Variants in TRPM8 observed in about 807,000 individuals in gnomAD.
TRPM8 encodes transient receptor potential cation channel subfamily M member 8, also known as TRPM8 cationic channel.
In TRPM8, 110 loss-of-function variants were observed where a neutral mutation model predicts 133.7. That is an observed-to-expected ratio of 0.82 (90% confidence interval 0.70 to 0.96). TRPM8 has a LOEUF of 0.96. Among genes scored for constraint, TRPM8 ranks in the 40% least tolerant of loss-of-function variants. The pLI is 0.00. For missense variants in TRPM8, 1,291 were observed against 1,379.5 expected (o/e 0.94, Z 1.02); for synonymous variants, 535 against 532.3 (o/e 1.01, Z -0.07).
intron 14 of TRPM8, 74 bp from the exon 15 acceptor site, chr2:233,966,535 TG>T: frequency 1.9e-6 from 3 of 1,588,176 alleles, no homozygotes; most frequent in Non-Finnish European, 2.6e-6. Flanking sequence ...AGGGGTTGGC[TG>T]GGGGTGGAAG....
chr2:233,953,391 A>G (rs2125140515), intron 9 of TRPM8, among the ~76,000 whole-genome samples: 1 of 152,356 alleles, frequency 6.6e-6, no homozygotes, highest in African/African-American at 2.4e-5. Flanking sequence ...TAACCTTGAA[A>G]TTACAGGGTT....
intron 12 of TRPM8, among the ~76,000 whole-genome samples, chr2:233,961,921 G>T (rs1396313653): frequency 6.6e-6 from 1 of 152,200 alleles, no homozygotes; most frequent in Non-Finnish European, 1.5e-5. Flanking sequence ...GAACCACCGT[G>T]TCCGGCCTCA....
intron 2 of TRPM8, among the ~76,000 whole-genome samples, chr2:233,927,728 TTCTTTCTTTCTTTC>T: frequency 2.4e-5 from 1 of 42,490 alleles, no homozygotes; most frequent in Non-Finnish European, 3.5e-5. Flanking sequence ...CTTTCTTTCT[TTCTTTCTTTCTTTC>T]TTTCTTTCTT....
chr2:233,919,199 TA>T (rs1057245874), intron 1 of TRPM8, among the ~76,000 whole-genome samples: 66 of 152,284 alleles, frequency 4.3e-4, no homozygotes, highest in African/African-American at 1.1e-3. Flanking sequence ...AGCACACTAA[TA>T]TTTTTTTTGT....
chr2:233,984,449 C>T (rs1390019309), intron 20 of TRPM8, among the ~76,000 whole-genome samples: 1 of 152,236 alleles, frequency 6.6e-6, no homozygotes, highest in Non-Finnish European at 1.5e-5. Flanking sequence ...TCTGCTGCCA[C>T]CGTCCACACA....
At chr2:233,943,672 C>G (rs757449185) in intron 6 of TRPM8, among the ~76,000 whole-genome samples, 2 of 152,126 alleles carry the variant, frequency 1.3e-5, no homozygotes, top group Admixed American at 6.6e-5. Flanking sequence ...GAGTAATGAG[C>G]ATTTCATGCT....
intron 1 of TRPM8, among the ~76,000 whole-genome samples, chr2:233,918,337 A>T (rs958101766): frequency 6.7e-6 from 1 of 149,338 alleles, no homozygotes; most frequent in Non-Finnish European, 1.5e-5. Context: ...TATAATTGTT[A>T]TAGAAATAAT....
Position 233,970,409 on chromosome 2 carries a change from T to C in TRPM8, c.2338T>C (p.Cys780Arg). The change falls in exon 17 of 26, where the codon TGT becomes CGT. Residue 780 changes from cysteine (C) to arginine (R), a missense_variant. This residue lies in a region of TRPM8 where 328 missense variants were observed against 410.6 expected (regional missense o/e 0.80). Transcript: ENST00000324695. ...VLYSLVFVLF[C>R]DEVRQWYVNG... Reference sequence around the variant, plus strand: ...GTACTCGCTGGTCTTTGTCCTCTTCTGTGATGAAGTGAGACAGGTAGGGCT... The same window carrying C: ...GTACTCGCTGGTCTTTGTCCTCTTCCGTGATGAAGTGAGACAGGTAGGGCT... 6.2e-7 allele frequency: 1 copy of C among 1,614,022 alleles called. No homozygotes were observed. The highest frequency in any genetic ancestry group is 8.5e-7 in the Non-Finnish European group (1 of 1,180,026).
intron 17 of TRPM8, among the ~76,000 whole-genome samples, chr2:233,971,812 G>A (rs539252857): frequency 3.2e-4 from 48 of 152,212 alleles, no homozygotes; most frequent in East Asian, 1.4e-3. Flanking sequence ...TGCATAGAGC[G>A]AAAGAACAAA....
intron 7 of TRPM8, 195 bp downstream of exon 7, chr2:233,946,225 G>A: frequency 1.9e-6 from 1 of 539,824 alleles, no homozygotes. Context: ...AATGTGGTAT[G>A]TACCCTTTAA....
rs1485535210 is a variant in TRPM8 at position 233,960,806 on chromosome 2, G to A, written c.1393G>A (p.Ala465Thr). The change falls in exon 12 of 26, where the codon GCT becomes ACT. Residue 465 changes from alanine (A) to threonine (T), a missense_variant. By Grantham distance (58) the Ala-to-Thr change is moderately conservative (BLOSUM62 0). Around this residue, in one of 2 missense-constraint regions of TRPM8, gnomAD observed 963 missense variants for 968.9 expected, o/e 0.99. Coordinates refer to ENST00000324695, the MANE Select transcript of TRPM8 (RefSeq NM_024080.5). Reference protein sequence around the residue: ...SADLQEVMFTALIKDRPKFVR... With the variant: ...SADLQEVMFTTLIKDRPKFVR... Reference sequence around the variant, plus strand: ...TGACCTTCAAGAAGTCATGTTTACGGCTCTCATAAAGGACAGACCCAAGTT... The same window carrying A: ...TGACCTTCAAGAAGTCATGTTTACGACTCTCATAAAGGACAGACCCAAGTT... 1 of 1,614,080 alleles carries A rather than the reference G, an allele frequency of 6.2e-7. No individual in the cohort carries two copies.
chr2:233,970,060 T>C (rs1691672166), intron 16 of TRPM8, 150 bp from the exon 17 acceptor site: 6 of 769,054 alleles, frequency 7.8e-6, no homozygotes, highest in Non-Finnish European at 1.4e-5. Flanking sequence ...AAGGATTTAA[T>C]TGGGGTTGGT....
intron 1 of TRPM8, among the ~76,000 whole-genome samples, chr2:233,920,821 T>C (rs1044738055): frequency 2.6e-5 from 4 of 152,042 alleles, no homozygotes; most frequent in Non-Finnish European, 5.9e-5. Flanking sequence ...AGAATTGGCA[T>C]TGGCACAATG....
At chr2:233,951,698 G>T (rs2125134336) in intron 9 of TRPM8, among the ~76,000 whole-genome samples, 1 of 152,222 alleles carries the variant, frequency 6.6e-6, no homozygotes, top group East Asian at 1.9e-4. Context: ...ATATGCTAAT[G>T]ATATATTATA....
At chr2:234,005,357 T>A (rs1188850221) in intron 22 of TRPM8, among the ~76,000 whole-genome samples, 1 of 152,228 alleles carries the variant, frequency 6.6e-6, no homozygotes, top group Non-Finnish European at 1.5e-5. Flanking sequence ...TCTTTGACTG[T>A]TACAGAGGTT....
At chr2:233,965,666 A>G (rs564506482) in intron 14 of TRPM8, among the ~76,000 whole-genome samples, 13 of 152,250 alleles carry the variant, frequency 8.5e-5, no homozygotes, top group African/African-American at 3.1e-4. Context: ...TCCATGTTGG[A>G]AAAAAGATGT....
chr2:233,919,255 C>A (rs1314527643), intron 1 of TRPM8, among the ~76,000 whole-genome samples: 1 of 152,016 alleles, frequency 6.6e-6, no homozygotes, highest in Non-Finnish European at 1.5e-5. Flanking sequence ...TCATGAGTGA[C>A]TTCTAGACTA....
In TRPM8 at chr2:233,970,010, T is replaced by C. The variant is rs1385826471; in HGVS notation, c.2139-200T>C. ...GGTAGGGGTGGGGTTGTGTCTTTAA[T>C]ATCTGGGGCAGAATGTGGATTTGTT... On this transcript the variant is annotated intron_variant, in intron 16 of 25. Transcript: ENST00000324695. The C allele has an allele frequency of 5.2e-5, 35 of 672,184 alleles. No homozygotes were observed. In the East Asian group the frequency reaches 9.3e-4, roughly 18 times the overall value. 41.6% of individuals were successfully genotyped at this position (672,184 alleles called of 1,614,324 possible). A position where few individuals can be genotyped will look rare whatever the true frequency, so the allele number is the denominator to read the frequency against.
At chr2:233,919,735 C>G (rs1691371806) in intron 1 of TRPM8, among the ~76,000 whole-genome samples, 1 of 151,918 alleles carries the variant, frequency 6.6e-6, no homozygotes, top group African/African-American at 2.4e-5. Flanking sequence ...CAATACATAA[C>G]AGTTATTTAT....
Sources: gnomAD v4.1 joint callset for allele counts (sites outside exome capture counted in the v4.1 genomes callset) on GRCh38, gnomAD v4.1.1 for gene constraint, gnomAD v4.1.1 regional missense constraint, MANE v1.5 for transcripts, NCBI Gene and HGNC (gene_info 2026-07-23, HGNC 2026-07-21) for gene names.